Variants in TFCP2 observed in about 807,000 individuals in gnomAD.
The protein encoded by TFCP2 is alpha-globin transcription factor CP2.
TFCP2 carries 33 observed loss-of-function variants against 73.4 expected under a neutral mutation model. The observed-to-expected ratio is 0.45, with a 90% CI of 0.34 to 0.60. The LOEUF is 0.60. TFCP2 is among the 20% of genes least tolerant of loss of function. The pLI is 0.01. For missense variants in TFCP2, 352 were observed against 604.0 expected (o/e 0.58, Z 4.37); for synonymous variants, 193 against 211.6 (o/e 0.91, Z 0.76).
intron 1 of TFCP2, among the ~76,000 whole-genome samples, chr12:51,169,229 T>C (rs1941811647): frequency 6.6e-6 from 1 of 152,024 alleles, no homozygotes; most frequent in African/African-American, 2.4e-5. Context: ...CTGGGTGCAG[T>C]GGCTCACGCC....
chr12:51,101,950 T>C lies in TFCP2; in HGVS notation c.1136A>G (p.Asn379Ser). ...AATTACATACCGGCCTTTTAATGCA[T>C]TAAAAAGTCTGATTCCATCTGCAGG... ...CGPADGIRLFNALKGRMVRPR... is the reference protein window; with the variant it reads ...CGPADGIRLFSALKGRMVRPR... Residue 379 changes from asparagine (N) to serine (S), a missense_variant, in exon 11 of 15, where the codon AAT becomes AGT. Physicochemically the swap from Asn to Ser is conservative, Grantham distance 46. This residue lies in a region of TFCP2 where 194 missense variants were observed against 256.3 expected (regional missense o/e 0.76). Coordinates refer to ENST00000257915, the MANE Select transcript of TFCP2 (RefSeq NM_005653.5). 1 of 1,611,366 alleles carries C rather than the reference T, an allele frequency of 6.2e-7. No individual in the cohort carries two copies. Among genetic ancestry groups the C allele is most frequent in the South Asian group, 1.1e-5 (1 of 91,020 alleles).
intron 4 of TFCP2, among the ~76,000 whole-genome samples, chr12:51,112,712 T>C (rs897684283): frequency 6.6e-6 from 1 of 151,784 alleles, no homozygotes; most frequent in African/African-American, 2.4e-5. Flanking sequence ...ACTACAAATA[T>C]AAAAATTAGC....
intron 1 of TFCP2, among the ~76,000 whole-genome samples, chr12:51,128,535 C>T (rs576847833): frequency 1.3e-5 from 2 of 150,526 alleles, no homozygotes; most frequent in South Asian, 4.2e-4. Context: ...GAAACCATAA[C>T]CAAACTCCAT....
intron 1 of TFCP2, among the ~76,000 whole-genome samples, chr12:51,157,996 C>T (rs73305754): frequency 0.088 from 13,400 of 151,418 alleles, 634 homozygotes; most frequent in Middle Eastern, 0.11. Flanking sequence ...TTTTTTTTTC[C>T]ACTATAATCT....
intron 6 of TFCP2, among the ~76,000 whole-genome samples, chr12:51,108,045 G>A (rs1940297573): frequency 6.6e-6 from 1 of 151,924 alleles, no homozygotes; most frequent in Non-Finnish European, 1.5e-5. Flanking sequence ...AGCACTTTGG[G>A]AGGCCGAGGC....
chr12:51,159,611 C>A lies in TFCP2; in HGVS notation c.122+12690G>T, dbSNP rs182284764. Among the ~76,000 whole-genome samples the A allele has an allele frequency of 1.2e-3, 187 of 152,158 alleles. 1 individual carries two copies. The highest frequency in any genetic ancestry group is 1.1e-3 in the Non-Finnish European group (77 of 68,010). ...GGGATTGCAGGCGTGAGCCACCGTG[C>A]CTGGCCAGAAGCATCAATTCCGACC... On this transcript the variant is annotated intron_variant, in intron 1 of 14. Coordinates refer to ENST00000257915, the MANE Select transcript of TFCP2 (RefSeq NM_005653.5).
At chr12:51,099,920 T>C in intron 11 of TFCP2, 141 bp from the exon 12 acceptor site, 1 of 1,044,678 alleles carries the variant, frequency 9.6e-7, no homozygotes, top group East Asian at 2.7e-5. Context: ...ATTAATTTGC[T>C]ATGTTTTATT....
chr12:51,136,974 C>A (rs574978462), intron 1 of TFCP2, among the ~76,000 whole-genome samples: 1 of 152,054 alleles, frequency 6.6e-6, no homozygotes, highest in South Asian at 2.1e-4. Flanking sequence ...AAAACTATAC[C>A]ATATCTGGAT....
At chr12:51,101,750 T>C (rs541057334) in intron 11 of TFCP2, among the ~76,000 whole-genome samples, 185 bp downstream of exon 11, 25 of 152,330 alleles carry the variant, frequency 1.6e-4, no homozygotes, top group African/African-American at 5.5e-4. Context: ...TGGAATATCA[T>C]GGGGAATTCC....
chr12:51,125,054 C>T (rs780753098), intron 1 of TFCP2: 8 of 749,040 alleles, frequency 1.1e-5, no homozygotes, highest in South Asian at 4.2e-5. Flanking sequence ...TCGTGATGTA[C>T]GTCAGCACAG....
chr12:51,168,196 G>C (rs1414588636), intron 1 of TFCP2, among the ~76,000 whole-genome samples: 2 of 152,126 alleles, frequency 1.3e-5, no homozygotes, highest in African/African-American at 2.4e-5. Flanking sequence ...AGGAGTTCCA[G>C]AACAGCCTGG....
intron 7 of TFCP2, chr12:51,106,844 C>T: frequency 2.0e-6 from 1 of 501,210 alleles, no homozygotes; most frequent in East Asian, 3.9e-5. Context: ...CGGTCCCAGG[C>T]CATTTTTGTT....
intron 1 of TFCP2, chr12:51,124,927 G>T: frequency 1.2e-6 from 1 of 820,030 alleles, no homozygotes. Flanking sequence ...TCCAGGATGA[G>T]CCCAAATGTG....
In TFCP2 at chr12:51,118,737, T is replaced by C. The variant is rs1350286986; in HGVS notation, c.158A>G (p.Glu53Gly). The change falls in exon 2 of 15, where the codon GAG (glutamate) becomes GGG (glycine). Residue 53 changes from glutamate (E) to glycine (G), a missense_variant. Glu to Gly is a moderately conservative substitution (Grantham distance 98). Transcript: ENST00000257915. ...VLALPIFKQE[E>G]SSLPPDNENK... Reference sequence around the variant, plus strand: ...CTCATTATCAGGAGGCAAACTCGACTCTTCTTGCTTAAAAATGGGCAATGC... The same window carrying C: ...CTCATTATCAGGAGGCAAACTCGACCCTTCTTGCTTAAAAATGGGCAATGC... The C allele has an allele frequency of 5.0e-6, 8 of 1,614,074 alleles. No individual in the cohort carries two copies. Among genetic ancestry groups the C allele is most frequent in the Non-Finnish European group, 8.5e-7 (1 of 1,180,058 alleles).
rs1196299700 is a variant in TFCP2 at position 51,094,999 on chromosome 12, G to C, written c.*242C>G. 3.8e-6 allele frequency: 2 copies of C among 533,160 alleles called. No individual in the cohort carries two copies. The highest frequency in any genetic ancestry group is 6.7e-6 in the Non-Finnish European group (2 of 297,550). 33.0% of individuals were successfully genotyped at this position (533,160 alleles called of 1,614,324 possible). A position where few individuals can be genotyped will look rare whatever the true frequency, so the allele number is the denominator to read the frequency against. Reference sequence around the variant, plus strand: ...TTCTACTGATATTTAACAACAACAAGGTCCAGAAATTTAACTAAAACAGCT... The same window carrying C: ...TTCTACTGATATTTAACAACAACAACGTCCAGAAATTTAACTAAAACAGCT... On this transcript the variant is annotated 3_prime_UTR_variant, in exon 15 of 15. Transcript: ENST00000257915.
chr12:51,126,090 G>A (rs544198009), intron 1 of TFCP2, among the ~76,000 whole-genome samples: 8 of 152,024 alleles, frequency 5.3e-5, no homozygotes, highest in South Asian at 2.1e-4. Flanking sequence ...AAAATTAGCC[G>A]GGCGTGGTGT....
At position 51,117,668 on chromosome 12, in the gene TFCP2, T is replaced by C. The variant is rs778371171; in HGVS notation, c.351+3A>G. The C allele has an allele frequency of 1.2e-6, 2 of 1,608,538 alleles. No homozygotes were observed. Among genetic ancestry groups the C allele is most frequent in the Non-Finnish European group, 1.7e-6 (2 of 1,175,872 alleles). On this transcript the variant is annotated splice_donor_region_variant and intron_variant, in intron 3 of 14. Coordinates refer to ENST00000257915, the MANE Select transcript of TFCP2 (RefSeq NM_005653.5). ...GTACAGAAGAATGATTTATTCGTTT[T>C]ACCTTCACCAATTTGCCATTAATTT...
intron 2 of TFCP2, among the ~76,000 whole-genome samples, 174 bp downstream of exon 2, chr12:51,118,447 C>T (rs10876139): frequency 0.43 from 66,026 of 151,818 alleles, 16,042 homozygotes; most frequent in Non-Finnish European, 0.56. Context: ...CCCAGCTACT[C>T]AGGAGGCTGA....
At chr12:51,147,879 AAT>A (rs1272091773) in intron 1 of TFCP2, among the ~76,000 whole-genome samples, 1 of 152,208 alleles carries the variant, frequency 6.6e-6, no homozygotes, top group Non-Finnish European at 1.5e-5. Context: ...AGAAAATCAC[AAT>A]CTATACATCT....
Sources: allele counts gnomAD v4.1 joint callset (sites outside exome capture counted in the v4.1 genomes callset), GRCh38; gene constraint gnomAD v4.1.1; regional missense constraint gnomAD v4.1.1; transcripts MANE v1.5; gene names NCBI Gene and HGNC (gene_info 2026-07-23, HGNC 2026-07-21).